The following ETV6 variants were observed in gnomAD, a reference collection of about 807,000 sequenced individuals.
ETV6 encodes the protein ETS variant transcription factor 6.
In ETV6, 16 loss-of-function variants were observed where a neutral mutation model predicts 51.1. That is an observed-to-expected ratio of 0.31 (90% CI 0.21 to 0.48). The LOEUF (loss-of-function observed/expected upper bound fraction) is 0.48, where lower values mean the gene tolerates loss of function less well. Among genes scored for constraint, ETV6 ranks in the 20% least tolerant of loss-of-function variants. The pLI is 0.99. For missense variants in ETV6, 458 were observed against 594.8 expected (o/e 0.77, Z 2.39); for synonymous variants, 240 against 224.1 (o/e 1.07, Z -0.64).
intron 2 of ETV6, among the ~76,000 whole-genome samples, chr12:11,775,190 T>C (rs1055403116): frequency 3.3e-5 from 5 of 152,232 alleles, no homozygotes; most frequent in African/African-American, 1.2e-4. Context: ...AGCTGGGCTA[T>C]TGAAGGGTAA....
chr12:11,767,428 A>T (rs1034882371), intron 2 of ETV6, among the ~76,000 whole-genome samples: 7 of 152,260 alleles, frequency 4.6e-5, no homozygotes. Flanking sequence ...TTTGGCAAAT[A>T]TTTAGTAGAA....
chr12:11,890,830 C>T, intron 7 of ETV6, 111 bp from the exon 8 acceptor site: 1 of 837,752 alleles, frequency 1.2e-6, no homozygotes, highest in Non-Finnish European at 2.0e-6. Context: ...TTCAGTAGCT[C>T]TCCAGCTGTA....
At chr12:11,890,797 CTAAGT>C (rs2136615414) in intron 7 of ETV6, 139 bp from the exon 8 acceptor site, 1 of 711,642 alleles carries the variant, frequency 1.4e-6, no homozygotes, top group Non-Finnish European at 2.5e-6. Context: ...CTAATTTGCA[CTAAGT>C]TAACATTAAT....
chr12:11,751,808 A>T (rs762726534), intron 1 of ETV6: 1 of 502,286 alleles, frequency 2.0e-6, no homozygotes, highest in Admixed American at 2.0e-5. Context: ...GAACAAGGAG[A>T]TATTCATTAT....
intron 3 of ETV6, among the ~76,000 whole-genome samples, chr12:11,848,352 C>T (rs1946495201): frequency 6.6e-6 from 1 of 152,226 alleles, no homozygotes; most frequent in Non-Finnish European, 1.5e-5. Flanking sequence ...GACTCCCTTG[C>T]TCCAGAGCCC....
At chr12:11,659,241 A>G (rs777131008) in intron 1 of ETV6, among the ~76,000 whole-genome samples, 5 of 151,132 alleles carry the variant, frequency 3.3e-5, no homozygotes, top group Non-Finnish European at 7.3e-5. Flanking sequence ...TCTTTTCAGC[A>G]GTTGTATTCT....
chr12:11,852,552 A>C (rs2136488873), intron 3 of ETV6, among the ~76,000 whole-genome samples: 1 of 152,360 alleles, frequency 6.6e-6, no homozygotes, highest in Middle Eastern at 3.4e-3. Flanking sequence ...AGAATCTATG[A>C]GTTGTCATTG....
At chr12:11,660,332 T>A (rs1290738115) in intron 1 of ETV6, among the ~76,000 whole-genome samples, 1 of 151,884 alleles carries the variant, frequency 6.6e-6, no homozygotes, top group Non-Finnish European at 1.5e-5. Context: ...GGGCGGGGCG[T>A]GGTGGCTCAC....
In ETV6 at chr12:11,841,640, A is replaced by C. The variant is rs1381251443; in HGVS notation, c.328+2336A>C. On this transcript the variant is annotated intron_variant, in intron 3 of 7. Transcript: ENST00000396373. ...AGTATTCACCAAGCAACTCTATGCCAGAGGTACACAGGTACAGGCTAAGGG... is the reference window on the plus strand; with the variant it reads ...AGTATTCACCAAGCAACTCTATGCCCGAGGTACACAGGTACAGGCTAAGGG... 2.6e-5 allele frequency among the ~76,000 whole-genome samples: 4 copies of C among 152,344 alleles called. No individual in the cohort carries two copies. In the East Asian group the frequency reaches 7.7e-4, roughly 29 times the overall value.
intron 2 of ETV6, among the ~76,000 whole-genome samples, chr12:11,833,803 G>C (rs1946277341): frequency 6.6e-6 from 1 of 152,170 alleles, no homozygotes; most frequent in South Asian, 2.1e-4. Context: ...TACACAAAAA[G>C]CACTATGGTG....
intron 4 of ETV6, among the ~76,000 whole-genome samples, chr12:11,868,593 G>A (rs543590627): frequency 2.8e-4 from 42 of 151,360 alleles, no homozygotes; most frequent in Admixed American, 9.9e-4. Context: ...GGGAGCCACC[G>A]CACCCAGCCA....
chr12:11,782,836 C>A (rs1191813182), intron 2 of ETV6, among the ~76,000 whole-genome samples: 1 of 152,118 alleles, frequency 6.6e-6, no homozygotes, highest in Admixed American at 6.5e-5. Flanking sequence ...TAAATTGTTT[C>A]CATGTTTAAG....
In ETV6 at chr12:11,893,821, T is replaced by TAC. The variant is rs1947342057; in HGVS notation, c.*2776_*2777insCA. The TAC allele has an allele frequency of 1.6e-5, 2 of 126,674 alleles. No individual in the cohort carries two copies. Among genetic ancestry groups the TAC allele is most frequent in the Non-Finnish European group, 2.9e-5 (2 of 68,120 alleles). The allele number at this position is 126,674 out of a possible 1,614,324, so 7.8% of individuals were successfully genotyped here. A position where few individuals can be genotyped will look rare whatever the true frequency, so the allele number is the denominator to read the frequency against. On this transcript the variant is annotated 3_prime_UTR_variant, in exon 8 of 8. Coordinates refer to ENST00000396373, the MANE Select transcript of ETV6 (RefSeq NM_001987.5). ...ATATATATATATATATATATATATA[T>TAC]ATATATATATATATATATATACACA...
intron 1 of ETV6, among the ~76,000 whole-genome samples, chr12:11,692,016 T>C (rs1463937860): frequency 1.3e-5 from 2 of 152,192 alleles, no homozygotes; most frequent in African/African-American, 4.8e-5. Flanking sequence ...CTTCTATGGT[T>C]TGAGTATTTG....
intron 1 of ETV6, among the ~76,000 whole-genome samples, chr12:11,751,002 C>G (rs1164201477): frequency 1.3e-5 from 2 of 152,030 alleles, no homozygotes; most frequent in Non-Finnish European, 2.9e-5. Context: ...TGTGCCTGCC[C>G]TTCATTAAGA....
intron 2 of ETV6, among the ~76,000 whole-genome samples, chr12:11,803,188 T>G (rs1945776513): frequency 6.6e-6 from 1 of 152,178 alleles, no homozygotes; most frequent in African/African-American, 2.4e-5. Flanking sequence ...TAAATAATCA[T>G]TTCAGCATCA....
intron 1 of ETV6, among the ~76,000 whole-genome samples, chr12:11,732,924 AT>A (rs2120983892): frequency 6.6e-6 from 1 of 152,240 alleles, no homozygotes; most frequent in South Asian, 2.1e-4. Flanking sequence ...CTTACTCCTC[AT>A]TTTGGGGTGA....
At chr12:11,714,042 T>C (rs1352067603) in intron 1 of ETV6, among the ~76,000 whole-genome samples, 1 of 152,226 alleles carries the variant, frequency 6.6e-6, no homozygotes, top group African/African-American at 2.4e-5. Context: ...CCACAGATGA[T>C]GCATATGACA....
At chr12:11,697,322 A>G (rs1048445585) in intron 1 of ETV6, among the ~76,000 whole-genome samples, 1 of 152,216 alleles carries the variant, frequency 6.6e-6, no homozygotes, top group Admixed American at 6.5e-5. Context: ...CTTCCCAGTC[A>G]GAGGAGGTAC....
Sources: gnomAD v4.1 joint callset for allele counts (sites outside exome capture counted in the v4.1 genomes callset) on GRCh38, gnomAD v4.1.1 for gene constraint, MANE v1.5 for transcripts, NCBI Gene and HGNC (gene_info 2026-07-23, HGNC 2026-07-21) for gene names.